ROBO2: variants seen among roughly 807,000 people sequenced by gnomAD.
ROBO2 encodes the protein roundabout guidance receptor 2, also known as roundabout homolog 2.
ROBO2 carries 53 observed loss-of-function variants against 160.8 expected under a neutral mutation model. The ratio of observed to expected loss-of-function variants is 0.33; its 90% CI spans 0.26 to 0.41. The LOEUF (loss-of-function observed/expected upper bound fraction) is 0.41. Ranked by LOEUF, ROBO2 falls within the 10% of genes least tolerant of loss-of-function variation. The pLI is 1.00. For synonymous variants in ROBO2, 664 were observed against 611.7 expected (o/e 1.09, Z -1.26); for missense variants, 1,577 against 1,722.4 (o/e 0.92, Z 1.49).
chr3:77,368,881 A>G (rs1028413420), intron 2 of ROBO2, among the ~76,000 whole-genome samples: 1 of 152,188 alleles, frequency 6.6e-6, no homozygotes, highest in South Asian at 2.1e-4. Flanking sequence ...ATATGAATAC[A>G]TGCATAGTAT....
At chr3:77,246,361 T>TGTGTG (rs1560333033) in intron 2 of ROBO2, among the ~76,000 whole-genome samples, 1 of 71,150 alleles carries the variant, frequency 1.4e-5, no homozygotes, top group Non-Finnish European at 2.9e-5. Flanking sequence ...GTGTGTGTGT[T>TGTGTG]TTGCATGTTG....
intron 2 of ROBO2, among the ~76,000 whole-genome samples, chr3:76,879,357 A>G (rs2073108529): frequency 6.6e-6 from 1 of 152,058 alleles, no homozygotes; most frequent in African/African-American, 2.4e-5. Flanking sequence ...GTGTCTAAGA[A>G]TCTGCATTTC....
chr3:76,931,254 T>C (rs1319334471), intron 2 of ROBO2, among the ~76,000 whole-genome samples: 2 of 152,180 alleles, frequency 1.3e-5, no homozygotes, highest in African/African-American at 4.8e-5. Flanking sequence ...AAGGGTTTTC[T>C]AAAAAATAAC....
intron 4 of ROBO2, among the ~76,000 whole-genome samples, chr3:77,487,227 C>T (rs993026586): frequency 8.6e-5 from 13 of 152,042 alleles, no homozygotes; most frequent in East Asian, 3.9e-4. Context: ...AGATTGTTGT[C>T]GGCAATATAA....
chr3:76,859,356 A>C (rs1200569893), intron 2 of ROBO2, among the ~76,000 whole-genome samples: 2 of 152,202 alleles, frequency 1.3e-5, no homozygotes. Context: ...CACATGTAAA[A>C]GTAAAATATC....
chr3:77,238,778 T>C (rs1240393314), intron 2 of ROBO2, among the ~76,000 whole-genome samples: 2 of 152,206 alleles, frequency 1.3e-5, no homozygotes, highest in Non-Finnish European at 2.9e-5. Flanking sequence ...GTCCTCTACA[T>C]ATACTTTCTC....
chr3:76,838,893 C>T (rs2067965729), intron 2 of ROBO2, among the ~76,000 whole-genome samples: 1 of 152,098 alleles, frequency 6.6e-6, no homozygotes, highest in Admixed American at 6.6e-5. Context: ...TTAATGAGTA[C>T]ATGACATTCA....
At chr3:76,493,448 A>G (rs1327112061) in intron 2 of ROBO2, among the ~76,000 whole-genome samples, 1 of 150,840 alleles carries the variant, frequency 6.6e-6, no homozygotes, top group Non-Finnish European at 1.5e-5. Flanking sequence ...TGAGTCTCAT[A>G]TCAAAATATT....
At chr3:76,304,714 C>CTCTTTCTT (rs775699448) in intron 2 of ROBO2, among the ~76,000 whole-genome samples, 2 of 133,008 alleles carry the variant, frequency 1.5e-5, no homozygotes, top group African/African-American at 5.3e-5. Context: ...TATTTTCTTT[C>CTCTTTCTT]TCTTTCTTTC....
At chr3:77,162,434 A>G (rs759880427) in intron 2 of ROBO2, among the ~76,000 whole-genome samples, 5 of 152,206 alleles carry the variant, frequency 3.3e-5, no homozygotes, top group Non-Finnish European at 7.3e-5. Context: ...GTGCTAGGAA[A>G]AGAATTACCG....
chr3:77,141,199 T>C (rs2076671252), intron 2 of ROBO2, among the ~76,000 whole-genome samples: 1 of 152,206 alleles, frequency 6.6e-6, no homozygotes, highest in African/African-American at 2.4e-5. Flanking sequence ...AGAAATGTAA[T>C]GCGTTGTGAG....
intron 2 of ROBO2, among the ~76,000 whole-genome samples, chr3:77,401,779 C>T (rs760409308): frequency 1.0e-3 from 157 of 152,096 alleles, no homozygotes; most frequent in Non-Finnish European, 6.9e-4. Flanking sequence ...TGGTTATATA[C>T]CCAATAATGG....
intron 2 of ROBO2, among the ~76,000 whole-genome samples, chr3:76,513,846 A>C (rs552030423): frequency 2.6e-5 from 4 of 152,284 alleles, no homozygotes; most frequent in African/African-American, 9.6e-5. Flanking sequence ...TGAAACGATG[A>C]GCAAATGTCT....
intron 2 of ROBO2, among the ~76,000 whole-genome samples, chr3:76,467,985 T>C (rs1182782224): frequency 6.6e-6 from 1 of 152,164 alleles, no homozygotes; most frequent in Admixed American, 6.6e-5. Context: ...GAGGAATAAA[T>C]AGCAAGTTTT....
intron 2 of ROBO2, among the ~76,000 whole-genome samples, chr3:76,973,320 C>G (rs533754826): frequency 6.6e-6 from 1 of 152,122 alleles, no homozygotes; most frequent in Non-Finnish European, 1.5e-5. Flanking sequence ...ATCACTTTAC[C>G]TATTTCTTAC....
At chr3:76,319,088 C>G (rs1559756579) in intron 2 of ROBO2, among the ~76,000 whole-genome samples, 1 of 152,044 alleles carries the variant, frequency 6.6e-6, no homozygotes, top group Non-Finnish European at 1.5e-5. Context: ...TTTTCAGAGA[C>G]CAGGGAATTC....
chr3:76,946,952 G>A (rs1397138770), intron 2 of ROBO2, among the ~76,000 whole-genome samples: 1 of 152,092 alleles, frequency 6.6e-6, no homozygotes, highest in Non-Finnish European at 1.5e-5. Context: ...TTTCCGTAAT[G>A]TCCAATGTCT....
In ROBO2 at chr3:76,075,862, A is replaced by G. The variant is rs11921130; in HGVS notation, c.109+138260A>G. Among the ~76,000 whole-genome samples, 563 of 152,354 alleles carry G rather than the reference A, an allele frequency of 3.7e-3. 5 individuals are homozygous for G. Among genetic ancestry groups the G allele is most frequent in the African/African-American group, 0.013 (548 of 41,590 alleles). On this transcript the variant is annotated intron_variant, in intron 2 of 26. Coordinates refer to the ROBO2 transcript ENST00000487694. ...CTCGTACTTACTTACAGAGCAGATAATAAAACAGGATCAGGAAGATACAGT... is the reference window on the plus strand; with the variant it reads ...CTCGTACTTACTTACAGAGCAGATAGTAAAACAGGATCAGGAAGATACAGT...
intron 1 of ROBO2, among the ~76,000 whole-genome samples, chr3:77,052,370 CAATAATAAAAGCCTTGAG>C (rs1218137444): frequency 6.6e-6 from 1 of 152,094 alleles, no homozygotes; most frequent in African/African-American, 2.4e-5. Flanking sequence ...CCACTCAGAG[CAATAATAAAAGCCTTGAG>C]AGTTATTCAT....
Sources: allele counts gnomAD v4.1 joint callset (sites outside exome capture counted in the v4.1 genomes callset), GRCh38; gene constraint gnomAD v4.1.1; transcripts MANE v1.5; gene names NCBI Gene and HGNC (gene_info 2026-07-23, HGNC 2026-07-21).